Variants in ARFGEF1 observed in about 807,000 individuals in gnomAD.
ARFGEF1 encodes the protein ARF guanine nucleotide exchange factor 1, also known as brefeldin A-inhibited guanine nucleotide-exchange protein 1.
A neutral mutation model predicts 231.0 loss-of-function variants in ARFGEF1; 42 were observed. The observed-to-expected ratio is 0.18, with a 90% confidence interval of 0.14 to 0.24. The LOEUF is 0.24. ARFGEF1 is among the 10% of genes least tolerant of loss of function. ARFGEF1 has a pLI of 1.00. For missense variants in ARFGEF1, 1,345 were observed against 2,192.0 expected (o/e 0.61, Z 7.72); for synonymous variants, 710 against 732.3 (o/e 0.97, Z 0.49).
chr8:67,259,209 T>C lies in ARFGEF1; in HGVS notation c.2235+606A>G, dbSNP rs572944185. ...GCTACGGAGGACCAATTAGAGATGA[T>C]TATATTATAACCAAGACATCTTTCT... On this transcript the variant is annotated intron_variant, in intron 15 of 38. Transcript: ENST00000262215. 3.3e-5 allele frequency among the ~76,000 whole-genome samples: 5 copies of C among 152,220 alleles called. No homozygotes were observed. In the South Asian group the frequency reaches 1.0e-3, roughly 32 times the overall value.
intron 7 of ARFGEF1, among the ~76,000 whole-genome samples, chr8:67,281,765 A>C (rs1029398539): frequency 1.3e-5 from 2 of 152,118 alleles, no homozygotes; most frequent in African/African-American, 2.4e-5. Flanking sequence ...GAAAAACAAG[A>C]ATTTTTCTAT....
chr8:67,320,639 G>A (rs887541063), intron 1 of ARFGEF1, among the ~76,000 whole-genome samples: 1 of 152,078 alleles, frequency 6.6e-6, no homozygotes, highest in East Asian at 1.9e-4. Flanking sequence ...CAAACTATAC[G>A]ACATCCATAC....
rs1236457145 is a variant in ARFGEF1, at chr8:67,222,192, T to C, written c.4209-2632A>G. On this transcript the variant is annotated intron_variant, in intron 29 of 38. Coordinates refer to ENST00000262215, the MANE Select transcript of ARFGEF1 (RefSeq NM_006421.5). Reference sequence around the variant, plus strand: ...ATATATATATATACACATATATATATATATATATATATACACACACATATA... The same window carrying C: ...ATATATATATATACACATATATATACATATATATATATACACACACATATA... Among the ~76,000 whole-genome samples, 517 of 139,206 alleles carry C rather than the reference T, an allele frequency of 3.7e-3. 5 individuals are homozygous for C. Among genetic ancestry groups the C allele is most frequent in the African/African-American group, 0.014 (489 of 35,550 alleles). The allele number at this position is 139,206 out of a possible 152,430, so 91.3% of individuals were successfully genotyped here. A position where few individuals can be genotyped will look rare whatever the true frequency, so the allele number is the denominator to read the frequency against.
chr8:67,299,110 T>C, intron 4 of ARFGEF1, 99 bp downstream of exon 4: 1 of 1,134,826 alleles, frequency 8.8e-7, no homozygotes. Flanking sequence ...ATAGCTGGAA[T>C]GCACATAAAA....
At chr8:67,197,105 T>TCAAGTA (rs541150017), downstream of ARFGEF1, among the ~76,000 whole-genome samples, 42 of 152,302 alleles carry the variant, frequency 2.8e-4, no homozygotes, top group South Asian at 8.7e-3. Context: ...TTTTCAGCAT[T>TCAAGTA]CAAGTAGTGT....
At chr8:67,200,073 A>G in intron 38 of ARFGEF1, 1 of 372,372 alleles carries the variant, frequency 2.7e-6, no homozygotes, top group Non-Finnish European at 5.3e-6. Context: ...AGGTGGTTGG[A>G]CAGCAGTTTT....
At chr8:67,324,196 T>C (rs900096493) in intron 1 of ARFGEF1, among the ~76,000 whole-genome samples, 32 of 152,092 alleles carry the variant, frequency 2.1e-4, no homozygotes, top group Admixed American at 1.2e-3. Context: ...CTGTCTACAA[T>C]AGAAGGTGGG....
At chr8:67,281,012 C>A (rs1805511886) in intron 7 of ARFGEF1, among the ~76,000 whole-genome samples, 3 of 148,558 alleles carry the variant, frequency 2.0e-5, no homozygotes, top group Admixed American at 6.7e-5. Context: ...TACACAAGAG[C>A]AAAGTGCTAT....
intron 10 of ARFGEF1, among the ~76,000 whole-genome samples, chr8:67,269,597 C>T (rs1250296224): frequency 3.3e-5 from 5 of 151,784 alleles, no homozygotes; most frequent in South Asian, 4.2e-4. Context: ...GTGATCCACC[C>T]GCCTCGGCCT....
At position 67,268,718 on chromosome 8, in the gene ARFGEF1, C is replaced by T. The variant is rs190925648; in HGVS notation, c.1573-1276G>A. Among the ~76,000 whole-genome samples the T allele has an allele frequency of 3.9e-3, 592 of 152,166 alleles. 3 individuals are homozygous for T. The highest frequency in any genetic ancestry group is 0.013 in the African/African-American group (556 of 41,514). On this transcript the variant is annotated intron_variant, in intron 10 of 38. Transcript: ENST00000262215. ...CACGCATCCCAGTGGTAAGTAATTG[C>T]GGTAAAGAATAAAATAAAAACATTA...
intron 6 of ARFGEF1, among the ~76,000 whole-genome samples, chr8:67,289,679 A>C (rs868556665): frequency 2.0e-5 from 3 of 152,072 alleles, no homozygotes; most frequent in African/African-American, 7.2e-5. Flanking sequence ...GTAGTATCCC[A>C]AAAATACTGA....
intron 7 of ARFGEF1, among the ~76,000 whole-genome samples, chr8:67,283,889 A>G (rs1587215961): frequency 6.6e-6 from 1 of 152,338 alleles, no homozygotes; most frequent in East Asian, 1.9e-4. Context: ...AGAGTGCAAA[A>G]TGGCACAACA....
chr8:67,255,342 T>C (rs1840421362), intron 17 of ARFGEF1, among the ~76,000 whole-genome samples: 2 of 152,216 alleles, frequency 1.3e-5, no homozygotes. Context: ...CTGTGCCTTA[T>C]TTAGTGTTTA....
intron 7 of ARFGEF1, among the ~76,000 whole-genome samples, chr8:67,286,043 T>C (rs1029583167): frequency 6.6e-6 from 1 of 152,148 alleles, no homozygotes; most frequent in Non-Finnish European, 1.5e-5. Context: ...GAAAAATATA[T>C]GTATATTAGA....
At chr8:67,332,530 T>G (rs1315694878) in intron 1 of ARFGEF1, among the ~76,000 whole-genome samples, 2 of 152,184 alleles carry the variant, frequency 1.3e-5, no homozygotes, top group Non-Finnish European at 2.9e-5. Flanking sequence ...GAATTAAAAT[T>G]ATATTGTACA....
intron 1 of ARFGEF1, among the ~76,000 whole-genome samples, chr8:67,318,640 T>C (rs1807438975): frequency 1.3e-5 from 2 of 152,224 alleles, no homozygotes; most frequent in South Asian, 2.1e-4. Flanking sequence ...ATCACATTTC[T>C]ATATACTAGC....
downstream of ARFGEF1, chr8:67,195,424 A>G: frequency 6.2e-7 from 1 of 1,614,192 alleles, no homozygotes. Context: ...ATCATGAAAC[A>G]CATAGGGGAT....
At chr8:67,282,214 T>A (rs966592733) in intron 7 of ARFGEF1, among the ~76,000 whole-genome samples, 18 of 151,960 alleles carry the variant, frequency 1.2e-4, no homozygotes, top group African/African-American at 4.4e-4. Context: ...TTTTACATAA[T>A]TCAACACTGG....
At chr8:67,313,636 A>G (rs1807173479) in intron 1 of ARFGEF1, among the ~76,000 whole-genome samples, 3 of 152,184 alleles carry the variant, frequency 2.0e-5, no homozygotes, top group Admixed American at 2.0e-4. Flanking sequence ...GTGATCAGCC[A>G]TGGATACCAG....
Sources: allele counts gnomAD v4.1 joint callset (sites outside exome capture counted in the v4.1 genomes callset), GRCh38; gene constraint gnomAD v4.1.1; transcripts MANE v1.5; gene names NCBI Gene and HGNC (gene_info 2026-07-23, HGNC 2026-07-21).